Variants in CCDC201 observed in about 807,000 individuals in gnomAD.
CCDC201 encodes coiled-coil domain-containing protein 201.
upstream of CCDC201, among the ~76,000 whole-genome samples, chr7:45,874,743 G>C (rs915415895): frequency 1.3e-5 from 2 of 152,198 alleles, no homozygotes; most frequent in East Asian, 1.9e-4. Flanking sequence ...CAACACAGCC[G>C]GGTGACTGGC....
intron 1 of CCDC201, 128 bp downstream of exon 1, chr7:45,872,845 AGCTCAGGACAGGGCCAG>A (rs571405408): frequency 6.6e-6 from 1 of 152,666 alleles, no homozygotes; most frequent in East Asian, 1.9e-4. Flanking sequence ...GCTTTGTGCC[AGCTCAGGACAGGGCCAG>A]GCCTAAGGCC....
the CCDC201 span, among the ~76,000 whole-genome samples, chr7:45,884,348 C>T: frequency 3.9e-5 from 6 of 152,340 alleles, no homozygotes; most frequent in East Asian, 1.9e-4. Context: ...GATTCTCCCA[C>T]GTCAGCCTCT....
intron 1 of CCDC201, among the ~76,000 whole-genome samples, chr7:45,871,972 C>G (rs1469101510): frequency 6.6e-6 from 1 of 152,140 alleles, no homozygotes; most frequent in East Asian, 1.9e-4. Context: ...TTTGGTAGCA[C>G]TCAAATTTGT....
upstream of CCDC201, among the ~76,000 whole-genome samples, chr7:45,875,394 C>T (rs921033422): frequency 1.1e-4 from 14 of 132,232 alleles, no homozygotes; most frequent in African/African-American, 3.4e-4. Flanking sequence ...ACTTGGGAGG[C>T]GGAGATACGA....
At chr7:45,877,429 G>A (rs1207517505), upstream of CCDC201, among the ~76,000 whole-genome samples, 1 of 152,138 alleles carries the variant, frequency 6.6e-6, no homozygotes, top group Non-Finnish European at 1.5e-5. Flanking sequence ...TTCTCACACT[G>A]TTATAAAGAA....
Position 45,860,232 on chromosome 7 carries a change from T to A in CCDC201, c.*2853A>T, listed in dbSNP as rs538560349. ...AGATTAAAAAGAACCTTCTTAAGGG[T>A]AGGGGAGATTACAAAATACATTGAT... On this transcript the variant is annotated 3_prime_UTR_variant, in exon 3 of 3. Transcript: ENST00000636578. The A allele has an allele frequency of 3.9e-5, 6 of 152,202 alleles. No homozygotes were observed. In the South Asian group the frequency reaches 1.2e-3, roughly 32 times the overall value. The allele number at this position is 152,202 out of a possible 1,614,324, so 9.4% of individuals were successfully genotyped here.
chr7:45,882,451 C>T, the CCDC201 span, among the ~76,000 whole-genome samples: 4 of 152,218 alleles, frequency 2.6e-5, no homozygotes, highest in African/African-American at 9.7e-5. Context: ...ATCTAAGGCA[C>T]AAAAACAAAC....
chr7:45,870,240 T>A (rs58088156), intron 1 of CCDC201, among the ~76,000 whole-genome samples: 19,573 of 152,266 alleles, frequency 0.13, 1,284 homozygotes, highest in East Asian at 0.2. Context: ...TGGTTTTGAT[T>A]TGCATTTCTG....
the CCDC201 span, among the ~76,000 whole-genome samples, chr7:45,879,513 T>C: frequency 6.6e-6 from 1 of 152,304 alleles, no homozygotes; most frequent in Middle Eastern, 3.4e-3. Context: ...CTTACAATCA[T>C]GGCAGAAGGC....
upstream of CCDC201, among the ~76,000 whole-genome samples, chr7:45,876,402 C>A (rs1786808548): frequency 6.6e-6 from 1 of 152,178 alleles, no homozygotes; most frequent in Non-Finnish European, 1.5e-5. Flanking sequence ...AGGCACAGAG[C>A]TATCAGGCTA....
chr7:45,869,930 G>A (rs564300036), intron 1 of CCDC201, among the ~76,000 whole-genome samples: 2 of 151,582 alleles, frequency 1.3e-5, no homozygotes, highest in East Asian at 3.9e-4. Context: ...CGATTCTCCT[G>A]CCCAGCTTCC....
chr7:45,873,829 G>A (rs1786769850), upstream of CCDC201, among the ~76,000 whole-genome samples: 1 of 152,046 alleles, frequency 6.6e-6, no homozygotes, highest in African/African-American at 2.4e-5. Flanking sequence ...ATGATCTGTG[G>A]TAGTTTGTTC....
At chr7:45,879,302 C>T in the CCDC201 span, among the ~76,000 whole-genome samples, 1 of 152,204 alleles carries the variant, frequency 6.6e-6, no homozygotes, top group African/African-American at 2.4e-5. Context: ...CTGCCCCTTA[C>T]CCAGTTCCAA....
chr7:45,874,303 GA>G (rs1157492390), upstream of CCDC201, among the ~76,000 whole-genome samples: 2 of 152,166 alleles, frequency 1.3e-5, no homozygotes, highest in East Asian at 3.9e-4. Flanking sequence ...ACCAAGACAA[GA>G]ACCCAGGACT....
intron 2 of CCDC201, among the ~76,000 whole-genome samples, chr7:45,864,332 C>T (rs1786639636): frequency 6.6e-6 from 1 of 152,172 alleles, no homozygotes; most frequent in Admixed American, 6.5e-5. Context: ...ATGGGTTGTT[C>T]CCCACAAGCT....
chr7:45,876,879 C>G (rs1786814784), upstream of CCDC201, among the ~76,000 whole-genome samples: 1 of 152,254 alleles, frequency 6.6e-6, no homozygotes, highest in Non-Finnish European at 1.5e-5. Flanking sequence ...GAATCCCAAA[C>G]CTCTCACTGC....
chr7:45,870,746 C>T (rs1281680262), intron 1 of CCDC201, among the ~76,000 whole-genome samples: 1 of 151,996 alleles, frequency 6.6e-6, no homozygotes, highest in Non-Finnish European at 1.5e-5. Context: ...CTTTTTAAGC[C>T]CATGCTAGAT....
At chr7:45,884,850 T>C in the CCDC201 span, among the ~76,000 whole-genome samples, 1 of 152,128 alleles carries the variant, frequency 6.6e-6, no homozygotes, top group African/African-American at 2.4e-5. Flanking sequence ...GGCAAGACTG[T>C]GGCTCAGTGT....
At chr7:45,882,902 G>T in the CCDC201 span, among the ~76,000 whole-genome samples, 1 of 152,122 alleles carries the variant, frequency 6.6e-6, no homozygotes, top group African/African-American at 2.4e-5. Flanking sequence ...CCCAAAATAT[G>T]CTCCCAGTTG....
Sources: allele counts gnomAD v4.1 joint callset (sites outside exome capture counted in the v4.1 genomes callset), GRCh38; gene constraint gnomAD v4.1.1; transcripts MANE v1.5; gene names NCBI Gene and HGNC (gene_info 2026-07-23, HGNC 2026-07-21).